The following NTMT1 variants were observed in gnomAD, a reference collection of about 807,000 sequenced individuals.
The protein encoded by NTMT1 is N-terminal RCC1 methyltransferase.
Under a neutral mutation model 17.5 loss-of-function variants are expected in NTMT1, and 8 were observed. The observed-to-expected ratio is 0.46, with a 90% CI of 0.27 to 0.82. The LOEUF (loss-of-function observed/expected upper bound fraction) is 0.82. Ranked by LOEUF, NTMT1 falls within the 40% of genes least tolerant of loss-of-function variation. The pLI is 0.15. For missense variants in NTMT1, 221 were observed against 303.5 expected, an observed-to-expected ratio of 0.73 and a Z score of 2.02; for synonymous variants, 128 against 126.8, an observed-to-expected ratio of 1.01 and a Z score of -0.06.
At chr9:129,618,973 C>T (rs1161498184) in intron 1 of NTMT1, among the ~76,000 whole-genome samples, 1 of 151,646 alleles carries the variant, frequency 6.6e-6, no homozygotes, top group Non-Finnish European at 1.5e-5. Flanking sequence ...CTCAGCCTCC[C>T]AAAGTGCTGG....
At chr9:129,624,665 TGTC>T (rs1383061180), upstream of NTMT1, among the ~76,000 whole-genome samples, 5 of 152,226 alleles carry the variant, frequency 3.3e-5, no homozygotes, top group African/African-American at 1.2e-4. Context: ...GTTTCGTTCT[TGTC>T]ACCCAGGCTG....
intron 1 of NTMT1, among the ~76,000 whole-genome samples, chr9:129,628,225 C>T (rs1174618932): frequency 1.3e-5 from 2 of 152,186 alleles, no homozygotes; most frequent in East Asian, 3.9e-4. Context: ...GGGACCTCCT[C>T]CTGCCCCACT....
At chr9:129,615,366 C>G (rs1303933056) in intron 1 of NTMT1, 2 of 1,117,836 alleles carry the variant, frequency 1.8e-6, no homozygotes, top group Non-Finnish European at 2.5e-6. Context: ...TGCAGGATCA[C>G]TGATCTCTTG....
chr9:129,634,736 C>T (rs1831419925), intron 3 of NTMT1: 1 of 220,248 alleles, frequency 4.5e-6, no homozygotes, highest in Non-Finnish European at 9.0e-6. Flanking sequence ...AGGCCGCTAG[C>T]AGCAGTCGGC....
intron 1 of NTMT1, among the ~76,000 whole-genome samples, chr9:129,616,239 A>G (rs1269398869): frequency 6.6e-6 from 1 of 152,188 alleles, no homozygotes; most frequent in African/African-American, 2.4e-5. Flanking sequence ...TTTTTGAGAC[A>G]GATTCTCGCT....
chr9:129,632,532 C>G, intron 1 of NTMT1, 118 bp from the exon 2 acceptor site: 1 of 693,138 alleles, frequency 1.4e-6, no homozygotes, highest in South Asian at 2.0e-5. Flanking sequence ...CCCTGGACTT[C>G]TCTCTGCACT....
intron 1 of NTMT1, chr9:129,619,594 C>A: frequency 6.2e-7 from 1 of 1,614,034 alleles, no homozygotes; most frequent in Non-Finnish European, 8.5e-7. Context: ...TCTGCTGGAG[C>A]GAAATCTTCG....
chr9:129,635,140 G>T, intron 3 of NTMT1, 68 bp from the exon 4 acceptor site: 1 of 1,550,212 alleles, frequency 6.5e-7, no homozygotes, highest in Non-Finnish European at 8.7e-7. Context: ...GGGCTGAGAA[G>T]TACATCCCAT....
At chr9:129,634,649 C>G in intron 3 of NTMT1, 1 of 258,016 alleles carries the variant, frequency 3.9e-6, no homozygotes, top group Non-Finnish European at 7.4e-6. Flanking sequence ...ATAGTTTAAG[C>G]TTCGTGTCTA....
intron 2 of NTMT1, chr9:129,633,692 G>A (rs1167902609): frequency 1.1e-5 from 2 of 185,450 alleles, no homozygotes; most frequent in Admixed American, 6.1e-5. Flanking sequence ...TGGGCATGGT[G>A]GCGCATGCCT....
chr9:129,631,208 T>C (rs1335475899), intron 1 of NTMT1, among the ~76,000 whole-genome samples: 2 of 152,244 alleles, frequency 1.3e-5, no homozygotes, highest in African/African-American at 4.8e-5. Context: ...CCTCTGCCCT[T>C]TGAGTGTCCT....
Position 129,613,463 on chromosome 9 carries a change from T to C in NTMT1, c.-55+4285T>C, listed in dbSNP as rs1830188658. On this transcript the variant is annotated intron_variant, in intron 1 of 3. Transcript: ENST00000372486. The surrounding 1 kb of genome is among the most constrained non-coding windows in gnomAD (Gnocchi z 6.2). Reference sequence around the variant, plus strand: ...CCAGCGCAGTCCCAACACGAGGAGCTGGCCAGGGTCTCCTCCTTGGCCCCA... The same window carrying C: ...CCAGCGCAGTCCCAACACGAGGAGCCGGCCAGGGTCTCCTCCTTGGCCCCA... The C allele has an allele frequency of 5.6e-6, 9 of 1,614,034 alleles. No individual in the cohort carries two copies. Among genetic ancestry groups the C allele is most frequent in the Non-Finnish European group, 7.6e-6 (9 of 1,180,000 alleles).
rs1412464186 is a variant in NTMT1, at chr9:129,620,676, G to A, written c.-55+11498G>A. The A allele has an allele frequency of 1.8e-6, 2 of 1,112,278 alleles. No homozygotes were observed. The highest frequency in any genetic ancestry group is 4.2e-5 in the Admixed American group (1 of 23,954). 68.9% of individuals were successfully genotyped at this position (1,112,278 alleles called of 1,614,324 possible). A position where few individuals can be genotyped will look rare whatever the true frequency, so the allele number is the denominator to read the frequency against. ...GTCCAGCCCCAGGCCATAGTGCCCCGGGCGGGGCAGCGCGGTGCGGGGTGA... is the reference window on the plus strand; with the variant it reads ...GTCCAGCCCCAGGCCATAGTGCCCCAGGCGGGGCAGCGCGGTGCGGGGTGA... On this transcript the variant is annotated intron_variant, in intron 1 of 3. Coordinates refer to the NTMT1 transcript ENST00000372486. This position sits in a 1 kb window ranked among gnomAD's most constrained non-coding sequence, Gnocchi z 5.8.
At chr9:129,621,414 T>C (rs1422888782), upstream of NTMT1, among the ~76,000 whole-genome samples, 4 of 152,228 alleles carry the variant, frequency 2.6e-5, no homozygotes. Flanking sequence ...TGGAGTGCAA[T>C]GGCACCATCA....
At chr9:129,609,962 G>A (rs905446108) in intron 1 of NTMT1, among the ~76,000 whole-genome samples, 2 of 151,118 alleles carry the variant, frequency 1.3e-5, no homozygotes, top group African/African-American at 4.9e-5. Context: ...GTCTGAAGGG[G>A]GTGTCTGTGG....
rs552824788 is a variant in NTMT1 at position 129,617,599 on chromosome 9, A to G, written c.-55+8421A>G. On this transcript the variant is annotated intron_variant, in intron 1 of 3. Coordinates refer to the NTMT1 transcript ENST00000372486. ...GAGAATGAATTCCATACTTTTATTTATTTGTATCTTGTGAGAAGTCATGTG... is the reference window on the plus strand; with the variant it reads ...GAGAATGAATTCCATACTTTTATTTGTTTGTATCTTGTGAGAAGTCATGTG... Among the ~76,000 whole-genome samples the G allele has an allele frequency of 8.9e-4, 135 of 152,238 alleles. 1 individual carries two copies. Among genetic ancestry groups the G allele is most frequent in the African/African-American group, 3.1e-3 (128 of 41,540 alleles).
chr9:129,613,728 G>A lies in NTMT1; in HGVS notation c.-55+4550G>A, dbSNP rs1369774759. On this transcript the variant is annotated intron_variant, in intron 1 of 3. Coordinates refer to the NTMT1 transcript ENST00000372486. This position sits in a 1 kb window ranked among gnomAD's most constrained non-coding sequence, Gnocchi z 6.2. ...CCATGGCAACCCCAGGCTCCCCAGC[G>A]CCTTCTGGCTGCCTCCAGAGAAGCC... 7.3e-5 allele frequency: 85 copies of A among 1,157,122 alleles called. No homozygotes were observed. The highest frequency in any genetic ancestry group is 4.0e-5 in the Non-Finnish European group (33 of 824,000). The allele number at this position is 1,157,122 out of a possible 1,614,324, so 71.7% of individuals were successfully genotyped here.
Position 129,620,450 on chromosome 9 carries a change from G to T in NTMT1, c.-55+11272G>T, listed in dbSNP as rs890125721. The T allele has an allele frequency of 2.3e-6, 3 of 1,315,662 alleles. No homozygotes were observed. The highest frequency in any genetic ancestry group is 2.0e-5 in the South Asian group (1 of 50,054). The allele number at this position is 1,315,662 out of a possible 1,614,324, so 81.5% of individuals were successfully genotyped here. ...CCCGGAGCCCCGCGCGCCCAGAGCC[G>T]CTCGGAGCGCGGGCGGGGTCAGCTT... On this transcript the variant is annotated intron_variant, in intron 1 of 3. Coordinates refer to the NTMT1 transcript ENST00000372486. The surrounding 1 kb of genome is among the most constrained non-coding windows in gnomAD (Gnocchi z 5.8).
In NTMT1 at chr9:129,620,120, C is replaced by A; in HGVS notation, c.-55+10942C>A. ...CTCCTGGAGCTGGTGCAGGAACTCACGGAACCTGCTGGGGAGGAGCTCTCC... is the reference window on the plus strand; with the variant it reads ...CTCCTGGAGCTGGTGCAGGAACTCAAGGAACCTGCTGGGGAGGAGCTCTCC... On this transcript the variant is annotated intron_variant, in intron 1 of 3. Transcript: ENST00000372486. This position sits in a 1 kb window ranked among gnomAD's most constrained non-coding sequence, Gnocchi z 5.8. 4 of 1,453,412 alleles carry A rather than the reference C, an allele frequency of 2.8e-6. No homozygotes were observed. The highest frequency in any genetic ancestry group is 3.6e-6 in the Non-Finnish European group (4 of 1,100,886). The allele number at this position is 1,453,412 out of a possible 1,614,324, so 90.0% of individuals were successfully genotyped here.
Sources: allele counts gnomAD v4.1 joint callset (sites outside exome capture counted in the v4.1 genomes callset), GRCh38; gene constraint gnomAD v4.1.1; non-coding constraint Gnocchi (gnomAD v3.1); transcripts MANE v1.5; gene names NCBI Gene and HGNC (gene_info 2026-07-23, HGNC 2026-07-21).